DHX8: variants seen among roughly 807,000 people sequenced by gnomAD.
The protein encoded by DHX8 is ATP-dependent RNA helicase DHX8.
Under a neutral mutation model 140.7 loss-of-function variants are expected in DHX8, and 67 were observed. The ratio of observed to expected loss-of-function variants is 0.48; its 90% confidence interval spans 0.39 to 0.58. The LOEUF is 0.58. Ranked by LOEUF, DHX8 falls within the 20% of genes least tolerant of loss-of-function variation. The pLI, the probability that DHX8 is intolerant of heterozygous loss-of-function variation, is 0.00. For missense variants in DHX8, 887 were observed against 1,550.7 expected, an observed-to-expected ratio of 0.57 and a Z score of 7.19; for synonymous variants, 533 against 553.2, an observed-to-expected ratio of 0.96 and a Z score of 0.51.
chr17:43,491,527 A>AT (rs4038474), intron 4 of DHX8, among the ~76,000 whole-genome samples: 32,721 of 147,746 alleles, frequency 0.22, 3,713 homozygotes, highest in Middle Eastern at 0.31. Flanking sequence ...GTGAAATTAG[A>AT]TTTTTTTTTT....
chr17:43,535,653 G>C (rs917174821), intron 2 of DHX8, among the ~76,000 whole-genome samples: 2 of 152,124 alleles, frequency 1.3e-5, no homozygotes, highest in African/African-American at 4.8e-5. Context: ...TGTAAGGAGC[G>C]GTCCTGAGCA....
chr17:43,491,342 C>G, intron 4 of DHX8, 92 bp downstream of exon 4: 1 of 662,076 alleles, frequency 1.5e-6, no homozygotes, highest in South Asian at 4.1e-5. Context: ...TTTAAGTTTG[C>G]CTTTGTTGTA....
At chr17:43,506,711 A>G (rs1969513766) in intron 12 of DHX8, among the ~76,000 whole-genome samples, 1 of 152,016 alleles carries the variant, frequency 6.6e-6, no homozygotes, top group African/African-American at 2.4e-5. Context: ...AACATCGTTG[A>G]TTGTAATCCT....
In DHX8 at chr17:43,493,482, C is replaced by T. The variant is rs1411484484; in HGVS notation, c.901C>T (p.Arg301Trp). ...WEGLVHISEL[R>W]REGRVANVAD... The stretch of plus-strand genomic sequence containing the variant: ...AGGCCTGGTGCACATCTCTGAGCTC[C>T]GGCGGGAGGGTCGTGTGGCCAATGT... The change falls in exon 7 of 23, where the codon CGG (arginine) becomes TGG (tryptophan). Residue 301 changes from arginine (R) to tryptophan (W), a missense_variant. Arg to Trp is a moderately radical substitution (Grantham distance 101, BLOSUM62 -3). This residue lies in a region of DHX8 where 98 missense variants were observed against 152.7 expected (regional missense o/e 0.64). Transcript: ENST00000262415. 2.5e-6 allele frequency: 4 copies of T among 1,614,048 alleles called. No individual in the cohort carries two copies. Among genetic ancestry groups the T allele is most frequent in the African/African-American group, 1.3e-5 (1 of 74,916 alleles).
chr17:43,543,188 C>A lies in DHX8; in HGVS notation c.*21-974C>A, dbSNP rs148139827. On this transcript the variant is annotated intron_variant, in intron 3 of 3. Transcript: ENST00000589898. The stretch of plus-strand genomic sequence containing the variant: ...CCAAGGAGATCCCAGCGCCCACCCC[C>A]CTCACCTCCGCCTTGCAATCCCCAC... 2.4e-3 allele frequency among the ~76,000 whole-genome samples: 358 copies of A among 151,890 alleles called. 2 individuals carry two copies. Among genetic ancestry groups the A allele is most frequent in the African/African-American group, 8.4e-3 (347 of 41,364 alleles).
rs1970555425 is a variant in DHX8, at chr17:43,524,889, G to T, written c.*1042G>T. The T allele has an allele frequency of 2.0e-6, 2 of 984,980 alleles. No individual in the cohort carries two copies. The highest frequency in any genetic ancestry group is 2.4e-6 in the Non-Finnish European group (2 of 829,934). The allele number at this position is 984,980 out of a possible 1,614,324, so 61.0% of individuals were successfully genotyped here. ...TGTGCTGCAGGGCTTGTTCTTAGTGGTTTTTTCCTAGCACTTGCTTGGAGA... is the reference window on the plus strand; with the variant it reads ...TGTGCTGCAGGGCTTGTTCTTAGTGTTTTTTTCCTAGCACTTGCTTGGAGA... On this transcript the variant is annotated 3_prime_UTR_variant, in exon 23 of 23. Transcript: ENST00000262415.
chr17:43,532,761 C>T (rs1381416254), intron 2 of DHX8: 13 of 1,613,912 alleles, frequency 8.1e-6, no homozygotes, highest in Middle Eastern at 3.3e-4. Context: ...CCCTGGTCCA[C>T]GGCTGGCTGG....
At chr17:43,513,799 TG>T (rs1969973179) in intron 17 of DHX8, among the ~76,000 whole-genome samples, 2 of 146,220 alleles carry the variant, frequency 1.4e-5, no homozygotes, top group South Asian at 4.5e-4. Flanking sequence ...CTGCAACCTC[TG>T]CCTCCTGGGT....
intron 11 of DHX8, among the ~76,000 whole-genome samples, chr17:43,502,842 C>T (rs1410352709): frequency 6.6e-6 from 1 of 152,178 alleles, no homozygotes; most frequent in African/African-American, 2.4e-5. Flanking sequence ...TCTTCCATTT[C>T]CTCAGAATAA....
At position 43,521,563 on chromosome 17, in the gene DHX8, C is replaced by A; in HGVS notation, c.3261C>A (p.Asp1087Glu). The change falls in exon 21 of 23, where the codon GAC becomes GAA. Residue 1087 changes from aspartate to glutamate, a missense_variant and splice_region_variant. Physicochemically the swap from Asp to Glu is conservative, Grantham distance 45. Coordinates refer to ENST00000262415, the MANE Select transcript of DHX8 (RefSeq NM_004941.3). Reference sequence around the variant, plus strand: ...GCAAGCAGATGTTAGGCATAATGGACAGGTAAGCTGGAATCTGATGACTCT... The same window carrying A: ...GCAAGCAGATGTTAGGCATAATGGAAAGGTAAGCTGGAATCTGATGACTCT... ...DIRKQMLGIM[D>E]RHKLDVVSCG... The A allele has an allele frequency of 6.2e-7, 1 of 1,610,122 alleles. No homozygotes were observed. Among genetic ancestry groups the A allele is most frequent in the Non-Finnish European group, 8.5e-7 (1 of 1,177,022 alleles).
At chr17:43,487,341 G>T (rs923998869) in intron 1 of DHX8, among the ~76,000 whole-genome samples, 2 of 152,226 alleles carry the variant, frequency 1.3e-5, no homozygotes, top group Admixed American at 1.3e-4. Context: ...TTGTATGGTA[G>T]TACTACTTTA....
chr17:43,525,664 C>A lies in DHX8; in HGVS notation c.*1817C>A. On this transcript the variant is annotated 3_prime_UTR_variant, in exon 23 of 23. Coordinates refer to ENST00000262415, the MANE Select transcript of DHX8 (RefSeq NM_004941.3). ...GTTTTTGTTTTTGTTAAGACAGGATCTTGCCATCTTGCCTAGGCTGGCATC... is the reference window on the plus strand; with the variant it reads ...GTTTTTGTTTTTGTTAAGACAGGATATTGCCATCTTGCCTAGGCTGGCATC... 1 of 984,818 alleles carries A rather than the reference C, an allele frequency of 1.0e-6. No individual in the cohort carries two copies. The allele number at this position is 984,818 out of a possible 1,614,324, so 61.0% of individuals were successfully genotyped here. A position where few individuals can be genotyped will look rare whatever the true frequency, so the allele number is the denominator to read the frequency against.
chr17:43,484,106 C>G lies in DHX8; in HGVS notation c.69C>G (p.Ala23=). ...AGCCAGGCCCCGCGGAAGAACTTGC[C>G]AAACTCGAGTACCTGTCTTTGGTGT... ...GSEPGPAEEL[A]KLEYLSLVSK... The change falls in exon 1 of 23, where the codon GCC becomes GCG. Residue 23 remains alanine, a synonymous_variant. Transcript: ENST00000262415. 1 of 1,614,158 alleles carries G rather than the reference C, an allele frequency of 6.2e-7. No homozygotes were observed. Among genetic ancestry groups the G allele is most frequent in the Non-Finnish European group, 8.5e-7 (1 of 1,180,020 alleles).
At chr17:43,509,265 C>G (rs1969670734) in intron 16 of DHX8, among the ~76,000 whole-genome samples, 1 of 152,068 alleles carries the variant, frequency 6.6e-6, no homozygotes, top group Non-Finnish European at 1.5e-5. Flanking sequence ...GGCAAGGGGA[C>G]AAGCATTCTA....
At chr17:43,506,957 A>C in intron 12 of DHX8, 46 bp from the exon 13 acceptor site, 1 of 1,428,704 alleles carries the variant, frequency 7.0e-7, no homozygotes, top group Non-Finnish European at 9.5e-7. Flanking sequence ...CCATATTTAT[A>C]TTCTGGCAGA....
downstream of DHX8, chr17:43,526,145 T>C (rs1331567313): frequency 1.7e-5 from 17 of 985,252 alleles, no homozygotes; most frequent in Non-Finnish European, 1.8e-5. Flanking sequence ...GGGGGGGTCC[T>C]GTCCAGATGC....
intron 2 of DHX8, among the ~76,000 whole-genome samples, chr17:43,532,388 A>G (rs1970988746): frequency 1.3e-5 from 2 of 151,944 alleles, no homozygotes; most frequent in Admixed American, 6.6e-5. Context: ...AATCCCAGGT[A>G]CTCGGGAGGC....
In DHX8 at chr17:43,499,915, C is replaced by A. The variant is rs185108619; in HGVS notation, c.1399-41C>A. The A allele has an allele frequency of 4.4e-5, 71 of 1,606,230 alleles. No individual in the cohort carries two copies. The African/African-American group carries it at 8.4e-4, about 19-fold the overall frequency. On this transcript the variant is annotated intron_variant, in intron 10 of 22. Transcript: ENST00000262415. ...AGCTTAACTTCTACATATTATTTCCCGGACATTTAATCCATGTTGTTTTTT... is the reference window on the plus strand; with the variant it reads ...AGCTTAACTTCTACATATTATTTCCAGGACATTTAATCCATGTTGTTTTTT...
intron 11 of DHX8, 97 bp downstream of exon 11, chr17:43,500,200 C>A: frequency 7.1e-7 from 1 of 1,406,532 alleles, no homozygotes; most frequent in Non-Finnish European, 9.6e-7. Flanking sequence ...AAAATTTACC[C>A]TTGGGCCGGG....
Sources: allele counts gnomAD v4.1 joint callset (sites outside exome capture counted in the v4.1 genomes callset), GRCh38; gene constraint gnomAD v4.1.1; regional missense constraint gnomAD v4.1.1; transcripts MANE v1.5; gene names NCBI Gene and HGNC (gene_info 2026-07-23, HGNC 2026-07-21).